Variants in KAZN observed in about 807,000 individuals in gnomAD.
KAZN encodes kazrin, periplakin interacting protein, also known as kazrin.
KAZN carries 40 observed loss-of-function variants against 87.4 expected under a neutral mutation model. That is an observed-to-expected ratio of 0.46 (90% CI 0.36 to 0.60). KAZN has a LOEUF of 0.60. KAZN is among the 20% of genes least tolerant of loss of function. The pLI is 0.00. For synonymous variants in KAZN, 466 were observed against 458.3 expected, an observed-to-expected ratio of 1.02 and a Z score of -0.22; for missense variants, 898 against 1,073.9, an observed-to-expected ratio of 0.84 and a Z score of 2.29.
In KAZN at chr1:14,364,192, G is replaced by A. The variant is rs746034235; in HGVS notation, c.249+183600G>A. 7.2e-5 allele frequency among the ~76,000 whole-genome samples: 11 copies of A among 152,018 alleles called. No individual in the cohort carries two copies. The South Asian group carries it at 8.3e-4, about 11-fold the overall frequency. On this transcript the variant is annotated intron_variant, in intron 2 of 16. Transcript: ENST00000636203. ...CATGTACCTTTTGGGTCCTTCTGCC[G>A]CTGATGCATCAGAGCTGGAAAGCAT...
chr1:14,447,725 G>T (rs184563296), intron 2 of KAZN, among the ~76,000 whole-genome samples: 4 of 152,054 alleles, frequency 2.6e-5, no homozygotes, highest in Admixed American at 2.6e-4. Flanking sequence ...TGGGGTTGGG[G>T]GTCTCTCATT....
intron 2 of KAZN, among the ~76,000 whole-genome samples, chr1:14,429,141 G>A (rs949580717): frequency 1.3e-5 from 2 of 152,042 alleles, no homozygotes; most frequent in Admixed American, 1.3e-4. Context: ...TGATCTTTCA[G>A]TCAAGCTCTA....
chr1:14,551,991 T>G (rs1336800959), intron 2 of KAZN, among the ~76,000 whole-genome samples: 1 of 152,188 alleles, frequency 6.6e-6, no homozygotes, highest in Non-Finnish European at 1.5e-5. Context: ...TTCTTTCTTT[T>G]TCTTCCTTTC....
At chr1:13,995,517 G>A (rs982762075) in intron 1 of KAZN, among the ~76,000 whole-genome samples, 1 of 152,128 alleles carries the variant, frequency 6.6e-6, no homozygotes. Flanking sequence ...AACAATATTG[G>A]AAGAAATTGA....
intron 2 of KAZN, among the ~76,000 whole-genome samples, chr1:14,237,365 C>A (rs1488524557): frequency 2.0e-5 from 3 of 152,140 alleles, no homozygotes; most frequent in African/African-American, 4.8e-5. Flanking sequence ...CCCTGAGTAC[C>A]AATTGCTTAG....
chr1:14,093,933 C>T (rs2101626626), intron 1 of KAZN, among the ~76,000 whole-genome samples: 1 of 152,268 alleles, frequency 6.6e-6, no homozygotes, highest in East Asian at 1.9e-4. Flanking sequence ...TCATCCTGGC[C>T]TCTCTGTGGT....
chr1:14,529,415 C>T (rs1672092091), intron 2 of KAZN, among the ~76,000 whole-genome samples: 1 of 152,190 alleles, frequency 6.6e-6, no homozygotes, highest in Non-Finnish European at 1.5e-5. Flanking sequence ...TGGATTCATG[C>T]AAAGAGAACG....
chr1:14,180,520 T>C, exon 2 of KAZN: 1 of 1,550,294 alleles, frequency 6.5e-7, no homozygotes, highest in Non-Finnish European at 8.7e-7. Context: ...ACAAAGACCC[T>C]TTTCTACCCA....
intron 1 of KAZN, among the ~76,000 whole-genome samples, chr1:13,913,013 T>G (rs1250444577): frequency 2.6e-5 from 4 of 152,168 alleles, no homozygotes; most frequent in Non-Finnish European, 5.9e-5. Flanking sequence ...CTAAGAAGAT[T>G]GGCTTAGATG....
At chr1:14,005,329 A>G (rs17351151) in intron 1 of KAZN, among the ~76,000 whole-genome samples, 14,426 of 152,216 alleles carry the variant, frequency 0.095, 899 homozygotes, top group South Asian at 0.19. Context: ...AGGAAAACCA[A>G]GAGGACTTGA....
chr1:13,893,756 G>A (rs1228480549), exon 1 of KAZN: 1 of 1,550,540 alleles, frequency 6.4e-7, no homozygotes. Context: ...TATGCAAGCA[G>A]GTAGGAATTG....
chr1:15,095,414 G>A (rs1025649250), intron 10 of KAZN, among the ~76,000 whole-genome samples: 1 of 152,200 alleles, frequency 6.6e-6, no homozygotes, highest in African/African-American at 2.4e-5. Flanking sequence ...GGTGGAGGGG[G>A]CTTCTCTTAG....
At chr1:14,013,905 T>C (rs558381142) in intron 1 of KAZN, among the ~76,000 whole-genome samples, 10 of 152,294 alleles carry the variant, frequency 6.6e-5, no homozygotes, top group African/African-American at 2.4e-4. Flanking sequence ...CAGGGCCTTT[T>C]GCCAAACTGG....
chr1:14,448,292 C>T (rs1183785917), intron 2 of KAZN, among the ~76,000 whole-genome samples: 1 of 152,230 alleles, frequency 6.6e-6, no homozygotes, highest in African/African-American at 2.4e-5. Context: ...TGGTCCAAAG[C>T]CCAGGTATAA....
chr1:14,278,585 T>A (rs1404183622), intron 2 of KAZN, among the ~76,000 whole-genome samples: 1 of 152,154 alleles, frequency 6.6e-6, no homozygotes, highest in Non-Finnish European at 1.5e-5. Context: ...CCACCGCGCC[T>A]GGTCTTCATT....
chr1:14,579,404 T>A (rs1040671558), intron 2 of KAZN, among the ~76,000 whole-genome samples: 1 of 152,036 alleles, frequency 6.6e-6, no homozygotes, highest in Non-Finnish European at 1.5e-5. Flanking sequence ...GGTGGGTGGA[T>A]CATGAAGTCA....
At chr1:14,544,350 C>CTTTCTT (rs1553186409) in intron 2 of KAZN, among the ~76,000 whole-genome samples, 12 of 98,108 alleles carry the variant, frequency 1.2e-4, no homozygotes, top group East Asian at 3.2e-4. Flanking sequence ...TTCTTTCTTT[C>CTTTCTT]TTTTTTTTTT....
chr1:14,296,984 G>C (rs1198418553), intron 2 of KAZN, among the ~76,000 whole-genome samples: 2 of 152,126 alleles, frequency 1.3e-5, no homozygotes, highest in Non-Finnish European at 2.9e-5. Context: ...GTGTATATTT[G>C]TGTGCATATG....
intron 1 of KAZN, among the ~76,000 whole-genome samples, chr1:14,958,386 A>G (rs947177178): frequency 1.9e-5 from 2 of 102,620 alleles, no homozygotes; most frequent in African/African-American, 3.0e-5. Context: ...TCTTATATAC[A>G]TGGAGCACTT....
Sources: gnomAD v4.1 joint callset for allele counts (sites outside exome capture counted in the v4.1 genomes callset) on GRCh38, gnomAD v4.1.1 for gene constraint, MANE v1.5 for transcripts, NCBI Gene and HGNC (gene_info 2026-07-23, HGNC 2026-07-21) for gene names.